FBXO33: variants seen among roughly 807,000 people sequenced by gnomAD.
FBXO33 encodes the protein F-box only protein 33.
A neutral mutation model predicts 46.3 loss-of-function variants in FBXO33; 22 were observed. The observed-to-expected ratio is 0.48, with a 90% confidence interval of 0.34 to 0.68. The LOEUF is 0.68. Ranked by LOEUF, FBXO33 falls within the 30% of genes least tolerant of loss-of-function variation. FBXO33 has a pLI of 0.01. For synonymous variants in FBXO33, 337 were observed against 291.3 expected, an observed-to-expected ratio of 1.16 and a Z score of -1.60; for missense variants, 692 against 708.8, an observed-to-expected ratio of 0.98 and a Z score of 0.27.
Position 39,399,762 on chromosome 14 carries a change from G to C in FBXO33, c.1422C>G (p.Leu474=), listed in dbSNP as rs1338671892. Residue 474 remains leucine, a synonymous_variant, in exon 4 of 4, where the codon CTC becomes CTG. Coordinates refer to ENST00000298097, the MANE Select transcript of FBXO33 (RefSeq NM_203301.4). ...AGCCCCGAAGACGAGCAATGGCAAT[G>C]AGGTTGTGTGCCCACACCGTGTAAC... The part of the protein sequence containing the change: ...IHGYTVWAHN[L]IAIARLRGSD... The C allele has an allele frequency of 6.2e-7, 1 of 1,606,876 alleles. No homozygotes were observed. The highest frequency in any genetic ancestry group is 1.3e-5 in the African/African-American group (1 of 74,824).
chr14:39,415,113 A>C (rs948618336), intron 1 of FBXO33, among the ~76,000 whole-genome samples: 2 of 152,174 alleles, frequency 1.3e-5, no homozygotes, highest in Non-Finnish European at 2.9e-5. Context: ...GTAACATCAA[A>C]GATTACTGAT....
chr14:39,426,910 A>G (rs2075518164), intron 1 of FBXO33, among the ~76,000 whole-genome samples: 1 of 151,924 alleles, frequency 6.6e-6, no homozygotes, highest in African/African-American at 2.4e-5. Context: ...TCCTTTGTCT[A>G]CTTGTTTCTG....
chr14:39,408,066 G>A (rs1444743084), intron 1 of FBXO33, among the ~76,000 whole-genome samples: 1 of 151,946 alleles, frequency 6.6e-6, no homozygotes, highest in Non-Finnish European at 1.5e-5. Flanking sequence ...TCAGCCTCCT[G>A]AGCAGCTGGG....
At chr14:39,408,228 A>G (rs1033218841) in intron 1 of FBXO33, among the ~76,000 whole-genome samples, 2 of 151,914 alleles carry the variant, frequency 1.3e-5, no homozygotes, top group Non-Finnish European at 2.9e-5. Flanking sequence ...TACAGGCGTG[A>G]GCCACCATGC....
Position 39,429,704 on chromosome 14 carries a change from T to C in FBXO33, c.599+1860A>G, listed in dbSNP as rs997812462. Among the ~76,000 whole-genome samples the C allele has an allele frequency of 5.3e-5, 8 of 152,196 alleles. No homozygotes were observed. The South Asian group carries it at 1.2e-3, about 24-fold the overall frequency. On this transcript the variant is annotated intron_variant, in intron 1 of 3. Transcript: ENST00000298097. The stretch of plus-strand genomic sequence containing the variant: ...AGCATGACATACAACACCATGCTAA[T>C]AGTAGATGACAAGCAAACCTTAAAA...
intron 1 of FBXO33, among the ~76,000 whole-genome samples, chr14:39,404,302 C>T (rs551778889): frequency 1.3e-5 from 2 of 152,176 alleles, no homozygotes; most frequent in East Asian, 1.9e-4. Context: ...GGAGAGCAGG[C>T]GTCCCTAAAT....
chr14:39,414,485 A>G (rs1026395185), intron 1 of FBXO33, among the ~76,000 whole-genome samples: 5 of 152,184 alleles, frequency 3.3e-5, no homozygotes, highest in African/African-American at 1.2e-4. Context: ...TTTCCTTTGC[A>G]TTCACAACTT....
chr14:39,402,084 G>A (rs887901106), intron 2 of FBXO33, among the ~76,000 whole-genome samples: 1 of 152,134 alleles, frequency 6.6e-6, no homozygotes, highest in Non-Finnish European at 1.5e-5. Flanking sequence ...GTAGAAATAT[G>A]TTCCTCATCC....
chr14:39,427,130 C>T (rs990155755), intron 1 of FBXO33, among the ~76,000 whole-genome samples: 2 of 152,258 alleles, frequency 1.3e-5, no homozygotes, highest in Non-Finnish European at 2.9e-5. Context: ...AATCACTCCA[C>T]TCAAAAGCTG....
intron 1 of FBXO33, among the ~76,000 whole-genome samples, chr14:39,425,673 G>C (rs1302427700): frequency 1.3e-5 from 2 of 152,054 alleles, no homozygotes; most frequent in East Asian, 1.9e-4. Context: ...CTAATGAACG[G>C]TCATAGCCAA....
intron 1 of FBXO33, among the ~76,000 whole-genome samples, chr14:39,421,990 G>A (rs1057361447): frequency 6.6e-6 from 1 of 152,206 alleles, no homozygotes; most frequent in Admixed American, 6.5e-5. Context: ...AGGCACAGTG[G>A]CTGACGCCTG....
rs1345140328 is a variant in FBXO33 at position 39,431,921 on chromosome 14, G to A, written c.242C>T (p.Ser81Phe). ...CAGCCGGTCGGGCGCCGGCAGAAAA[G>A]AGAAGATGTGCACGATCAGCTCGCT... ...LPSELIVHIF[S>F]FLPAPDRLRA... Residue 81 changes from serine to phenylalanine, a missense_variant, in exon 1 of 4, where the codon TCT (serine) becomes TTT (phenylalanine). Ser to Phe is a radical substitution (Grantham distance 155). Around this residue, in one of 3 missense-constraint regions of FBXO33, gnomAD observed 412 missense variants for 370.8 expected, o/e 1.11. Coordinates refer to ENST00000298097, the MANE Select transcript of FBXO33 (RefSeq NM_203301.4). 2 of 1,538,248 alleles carry A rather than the reference G, an allele frequency of 1.3e-6. No homozygotes were observed. The highest frequency in any genetic ancestry group is 1.7e-6 in the Non-Finnish European group (2 of 1,148,372).
At chr14:39,424,097 C>T (rs1333507895) in intron 1 of FBXO33, among the ~76,000 whole-genome samples, 1 of 152,202 alleles carries the variant, frequency 6.6e-6, no homozygotes, top group Non-Finnish European at 1.5e-5. Flanking sequence ...ATGGTCTTCA[C>T]CATGCTGTCT....
At chr14:39,405,336 T>G (rs188239333) in intron 1 of FBXO33, among the ~76,000 whole-genome samples, 1 of 152,088 alleles carries the variant, frequency 6.6e-6, no homozygotes, top group African/African-American at 2.4e-5. Flanking sequence ...AAGCTACATA[T>G]CAGAGGTAAA....
intron 1 of FBXO33, among the ~76,000 whole-genome samples, chr14:39,412,284 C>T (rs749645928): frequency 3.9e-5 from 6 of 152,206 alleles, no homozygotes; most frequent in Non-Finnish European, 1.5e-5. Context: ...GTCTTCCTGA[C>T]TGACCCTTTT....
intron 3 of FBXO33, among the ~76,000 whole-genome samples, chr14:39,400,664 AATTT>A (rs1211119048): frequency 2.0e-5 from 3 of 152,350 alleles, no homozygotes; most frequent in African/African-American, 7.2e-5. Flanking sequence ...AAAGGAAGTA[AATTT>A]ATTTGTCAGA....
chr14:39,418,936 T>C (rs543632500), intron 1 of FBXO33, among the ~76,000 whole-genome samples: 10 of 152,314 alleles, frequency 6.6e-5, no homozygotes, highest in Admixed American at 2.6e-4. Context: ...AAAATTCTAA[T>C]TGCAGCAACA....
At chr14:39,409,452 T>G (rs529259969) in intron 1 of FBXO33, among the ~76,000 whole-genome samples, 1 of 152,208 alleles carries the variant, frequency 6.6e-6, no homozygotes, top group South Asian at 2.1e-4. Flanking sequence ...TCCATCTTTA[T>G]GCTAGCACAA....
At chr14:39,417,607 T>C (rs1354863127) in intron 1 of FBXO33, among the ~76,000 whole-genome samples, 2 of 152,134 alleles carry the variant, frequency 1.3e-5, no homozygotes, top group Middle Eastern at 3.2e-3. Flanking sequence ...CTTGGCTCAC[T>C]GCAACCTCCA....
Sources: gnomAD v4.1 joint callset for allele counts (sites outside exome capture counted in the v4.1 genomes callset) on GRCh38, gnomAD v4.1.1 for gene constraint, gnomAD v4.1.1 regional missense constraint, MANE v1.5 for transcripts, NCBI Gene and HGNC (gene_info 2026-07-23, HGNC 2026-07-21) for gene names.